Variants in CENPO observed in about 807,000 individuals in gnomAD.
CENPO encodes the protein centromere protein O, also known as centromeric protein O.
In CENPO, 30 loss-of-function variants were observed where a neutral mutation model predicts 36.1. That is an observed-to-expected ratio of 0.83 (90% CI 0.62 to 1.13). The LOEUF (loss-of-function observed/expected upper bound fraction) is 1.13. Ranked by LOEUF, CENPO falls within the 50% of genes most tolerant of loss-of-function variation. The pLI is 0.00. For synonymous variants in CENPO, 171 were observed against 142.3 expected, an observed-to-expected ratio of 1.20 and a Z score of -1.44; for missense variants, 349 against 357.8, an observed-to-expected ratio of 0.98 and a Z score of 0.20.
chr2:24,815,851 G>A, intron 5 of CENPO, 95 bp downstream of exon 5: 1 of 1,202,266 alleles, frequency 8.3e-7, no homozygotes, highest in African/African-American at 1.5e-5. Context: ...CTAACTGTGA[G>A]TTAGAAGTTT....
rs1402140840 is a variant in CENPO, at chr2:24,819,720, C to T, written c.*402C>T. ...CTGGAAGGACTGTTCAGCCCTATGC[C>T]TAAGACCCCTATGCTGGGGACACTA... On this transcript the variant is annotated 3_prime_UTR_variant, in exon 8 of 8. Transcript: ENST00000380834. 3.5e-6 allele frequency: 2 copies of T among 568,354 alleles called. No homozygotes were observed. Among genetic ancestry groups the T allele is most frequent in the Non-Finnish European group, 6.2e-6 (2 of 323,324 alleles). The allele number at this position is 568,354 out of a possible 1,614,324, so 35.2% of individuals were successfully genotyped here.
At chr2:24,816,171 AAC>A in intron 5 of CENPO, 1 of 192,010 alleles carries the variant, frequency 5.2e-6, no homozygotes, top group South Asian at 1.2e-4. Flanking sequence ...TCTTCCCCTA[AAC>A]TCTAGCCTAC....
Position 24,818,391 on chromosome 2 carries a change from T to TAA in CENPO, c.*35+553_*35+554dup, listed in dbSNP as rs369203960. On this transcript the variant is annotated intron_variant, in intron 7 of 7. Transcript: ENST00000380834. ...GGAAGACCCAATATTTTTTTTTTTT[T>TAA]AAAAGGAAAGTATTTTTAGCTTTTA... Among the ~76,000 whole-genome samples, 865 of 151,622 alleles carry TAA rather than the reference T, an allele frequency of 5.7e-3. 10 individuals carry two copies. Among genetic ancestry groups the TAA allele is most frequent in the African/African-American group, 0.019 (786 of 41,186 alleles).
In CENPO at chr2:24,793,425, A is replaced by G. The variant is rs1328633499; in HGVS notation, c.-145A>G. On this transcript the variant is annotated 5_prime_UTR_variant, in exon 1 of 8. Coordinates refer to ENST00000380834, the MANE Select transcript of CENPO (RefSeq NM_001322101.2). ...GAGCGCCGCCATGCTTTTGTACGGC[A>G]GGATCGCAAAGCACGCCGGGACCGG... 1.2e-6 allele frequency: 2 copies of G among 1,606,424 alleles called. No individual in the cohort carries two copies. Among genetic ancestry groups the G allele is most frequent in the Non-Finnish European group, 8.5e-7 (1 of 1,175,718 alleles).
rs752482259 is a variant in CENPO at position 24,799,827 on chromosome 2, C to G, written c.199C>G (p.Arg67Gly). ...RLRDELRAVV[R>G]HRRASVKACI... ...GCGAGATGAGCTGAGGGCTGTGGTG[C>G]GGCACCGGCGAGCCAGCGTGAGTAG... Residue 67 changes from arginine to glycine, a missense_variant, in exon 3 of 8, where the codon CGG becomes GGG. Transcript: ENST00000380834. The G allele has an allele frequency of 2.3e-5, 37 of 1,612,990 alleles. No individual in the cohort carries two copies. The Middle Eastern group carries it at 5.6e-4, about 24-fold the overall frequency.
intron 2 of CENPO, among the ~76,000 whole-genome samples, chr2:24,798,755 C>T (rs908310151): frequency 4.6e-5 from 7 of 151,984 alleles, no homozygotes; most frequent in African/African-American, 1.5e-4. Context: ...CCACCGTACC[C>T]GGCCCGATCT....
At chr2:24,806,724 A>G (rs894464910) in intron 3 of CENPO, among the ~76,000 whole-genome samples, 1 of 152,166 alleles carries the variant, frequency 6.6e-6, no homozygotes, top group Non-Finnish European at 1.5e-5. Context: ...CATTTTTACC[A>G]ATACTTAAAG....
chr2:24,802,468 C>G (rs1035649829), intron 3 of CENPO, among the ~76,000 whole-genome samples: 2 of 152,148 alleles, frequency 1.3e-5, no homozygotes, highest in Non-Finnish European at 2.9e-5. Context: ...GTGGGTTTGT[C>G]ATAGATAGCT....
intron 3 of CENPO, among the ~76,000 whole-genome samples, chr2:24,806,373 C>T (rs552002123): frequency 3.3e-5 from 5 of 152,206 alleles, no homozygotes; most frequent in Non-Finnish European, 7.3e-5. Context: ...GAACCTGGTA[C>T]CTCAGTTGGA....
intron 3 of CENPO, among the ~76,000 whole-genome samples, chr2:24,804,181 T>C (rs1666278011): frequency 6.6e-6 from 1 of 152,212 alleles, no homozygotes; most frequent in South Asian, 2.1e-4. Flanking sequence ...TCCATTTGCT[T>C]GGTAGATCTT....
At position 24,815,501 on chromosome 2, in the gene CENPO, C is replaced by T; in HGVS notation, c.339C>T (p.Leu113=). 6.2e-7 allele frequency: 1 copy of T among 1,613,766 alleles called. No individual in the cohort carries two copies. The highest frequency in any genetic ancestry group is 2.2e-5 in the East Asian group (1 of 44,882). The part of the protein sequence containing the change: ...AILQAYHFTG[L]SGKLTSRGVC... ...GTGTCTTCTTGTTTGCCTCAGGCCT[C>T]AGTGGTAAACTGACCAGCCGAGGAG... is the stretch of plus-strand genomic sequence containing the variant. The change falls in exon 5 of 8, where the codon CTC becomes CTT. Residue 113 remains leucine, a synonymous_variant. Coordinates refer to ENST00000380834, the MANE Select transcript of CENPO (RefSeq NM_001322101.2).
intron 3 of CENPO, among the ~76,000 whole-genome samples, chr2:24,810,206 T>C (rs550390543): frequency 2.4e-4 from 36 of 152,330 alleles, no homozygotes; most frequent in African/African-American, 8.2e-4. Context: ...TTAGGACTAC[T>C]GTATCTTCCT....
At position 24,821,322 on chromosome 2, in the gene CENPO, C is replaced by A; in HGVS notation, c.*2004C>A. The A allele has an allele frequency of 1.4e-6, 1 of 704,676 alleles. No homozygotes were observed. The highest frequency in any genetic ancestry group is 2.3e-6 in the Non-Finnish European group (1 of 434,276). 43.7% of individuals were successfully genotyped at this position (704,676 alleles called of 1,614,324 possible). A position where few individuals can be genotyped will look rare whatever the true frequency, so the allele number is the denominator to read the frequency against. ...GCACAGTATAGTCGGATCATCACAT[C>A]AGCTGGGTTTTTGGTTTAGTCATCT... On this transcript the variant is annotated 3_prime_UTR_variant, in exon 8 of 8. Coordinates refer to ENST00000380834, the MANE Select transcript of CENPO (RefSeq NM_001322101.2).
chr2:24,810,744 G>A (rs779693692), intron 3 of CENPO, among the ~76,000 whole-genome samples: 2 of 152,004 alleles, frequency 1.3e-5, no homozygotes, highest in African/African-American at 4.8e-5. Context: ...CTGACCTCAG[G>A]TGATCTGCCC....
chr2:24,811,524 C>T (rs931214714), intron 3 of CENPO, among the ~76,000 whole-genome samples: 8 of 150,834 alleles, frequency 5.3e-5, no homozygotes, highest in African/African-American at 1.5e-4. Context: ...TGCAGTGGTG[C>T]GGTCTCGGCT....
chr2:24,820,513 A>T lies in CENPO; in HGVS notation c.*1195A>T. 1 of 1,409,494 alleles carries T rather than the reference A, an allele frequency of 7.1e-7. No homozygotes were observed. Among genetic ancestry groups the T allele is most frequent in the Non-Finnish European group, 9.2e-7 (1 of 1,082,298 alleles). 87.3% of individuals were successfully genotyped at this position (1,409,494 alleles called of 1,614,324 possible). ...CAAAGGTAGGCCATATGCATCTAGA[A>T]CTTCAGCCCAGATTTTGTGGATGGG... On this transcript the variant is annotated 3_prime_UTR_variant, in exon 8 of 8. Transcript: ENST00000380834.
At chr2:24,808,399 C>G (rs1255553405) in intron 3 of CENPO, among the ~76,000 whole-genome samples, 1 of 152,000 alleles carries the variant, frequency 6.6e-6, no homozygotes, top group Non-Finnish European at 1.5e-5. Context: ...CGGGGTTTCT[C>G]TATTGTTGGC....
chr2:24,818,817 G>A (rs1179440060), intron 7 of CENPO, among the ~76,000 whole-genome samples: 1 of 152,244 alleles, frequency 6.6e-6, no homozygotes, highest in Non-Finnish European at 1.5e-5. Context: ...ATGAAAACCT[G>A]TGTCTGGCTG....
rs70947846 is a variant in CENPO at position 24,798,975 on chromosome 2, CTTTTTTTTTT to C, written c.47-682_47-673del. Among the ~76,000 whole-genome samples the C allele has an allele frequency of 2.8e-3, 326 of 114,532 alleles. 2 individuals carry two copies. Among genetic ancestry groups the C allele is most frequent in the African/African-American group, 0.013 (318 of 25,308 alleles). The allele number at this position is 114,532 out of a possible 152,430, so 75.1% of individuals were successfully genotyped here. On this transcript the variant is annotated intron_variant, in intron 2 of 7. Coordinates refer to ENST00000380834, the MANE Select transcript of CENPO (RefSeq NM_001322101.2). The stretch of plus-strand genomic sequence containing the variant: ...TCGATTAAATAAAGTCTGGGGCTTC[CTTTTTTTTTT>C]TTTTTTTTTTTTTTTTTGGAGACAG...
Sources: gnomAD v4.1 joint callset for allele counts (sites outside exome capture counted in the v4.1 genomes callset) on GRCh38, gnomAD v4.1.1 for gene constraint, MANE v1.5 for transcripts, NCBI Gene and HGNC (gene_info 2026-07-23, HGNC 2026-07-21) for gene names.